Variants in BRINP2 observed in about 807,000 individuals in gnomAD.
BRINP2 encodes the protein BMP/retinoic acid inducible neural specific 2.
A neutral mutation model predicts 69.2 loss-of-function variants in BRINP2; 21 were observed. The ratio of observed to expected loss-of-function variants is 0.30; its 90% CI spans 0.22 to 0.44. BRINP2 has a LOEUF of 0.44. Ranked by LOEUF, BRINP2 falls within the 20% of genes least tolerant of loss-of-function variation. The pLI is 1.00. For synonymous variants in BRINP2, 380 were observed against 394.1 expected, an observed-to-expected ratio of 0.96 and a Z score of 0.42; for missense variants, 877 against 986.0, an observed-to-expected ratio of 0.89 and a Z score of 1.48.
chr1:177,205,675 A>G (rs1649052125), intron 1 of BRINP2, among the ~76,000 whole-genome samples: 1 of 152,236 alleles, frequency 6.6e-6, no homozygotes, highest in African/African-American at 2.4e-5. Flanking sequence ...AACAGGCAGA[A>G]TGCCCATCCA....
Position 177,281,305 on chromosome 1 carries a change from A to G in BRINP2, c.2129A>G (p.Gln710Arg). 1 of 1,613,852 alleles carries G rather than the reference A, an allele frequency of 6.2e-7. No individual in the cohort carries two copies. The highest frequency in any genetic ancestry group is 8.5e-7 in the Non-Finnish European group (1 of 1,179,852). Residue 710 changes from glutamine to arginine, a missense_variant, in exon 8 of 8, where the codon CAA (glutamine) becomes CGA (arginine). Physicochemically the swap from Gln to Arg is conservative, Grantham distance 43. Coordinates refer to ENST00000361539, the MANE Select transcript of BRINP2 (RefSeq NM_021165.4). ...CTCCAGTTGGACTACCCATATACTC[A>G]AGGTTCCCAGGACTCTGCACTCTTG... is the stretch of plus-strand genomic sequence containing the variant. Reference protein sequence around the residue: ...LILQLDYPYTQGSQDSALLQL... With the variant: ...LILQLDYPYTRGSQDSALLQL...
At chr1:177,220,617 AT>A (rs1335327559) in intron 1 of BRINP2, among the ~76,000 whole-genome samples, 4 of 152,186 alleles carry the variant, frequency 2.6e-5, no homozygotes, top group African/African-American at 9.7e-5. Context: ...TCTTTAATCA[AT>A]TACCCAGTCT....
intron 1 of BRINP2, among the ~76,000 whole-genome samples, chr1:177,218,131 A>G (rs534188158): frequency 2.1e-4 from 32 of 152,280 alleles, no homozygotes; most frequent in Non-Finnish European, 3.7e-4. Context: ...TTTTGTCAGT[A>G]TTTGCTACAG....
At chr1:177,217,497 G>A (rs1030962483) in intron 1 of BRINP2, among the ~76,000 whole-genome samples, 5 of 151,500 alleles carry the variant, frequency 3.3e-5, no homozygotes, top group East Asian at 3.9e-4. Context: ...TCCTTTTATC[G>A]ATATCTTTGT....
intron 1 of BRINP2, among the ~76,000 whole-genome samples, chr1:177,202,767 C>T (rs10753145): frequency 0.11 from 17,075 of 152,094 alleles, 1,870 homozygotes; most frequent in African/African-American, 0.28. Flanking sequence ...CAAATCGAAA[C>T]CGCAGTGAGA....
In BRINP2 at chr1:177,196,635, GA is replaced by G. The variant is rs113378711; in HGVS notation, c.-77+24908del. On this transcript the variant is annotated intron_variant, in intron 1 of 7. Transcript: ENST00000361539. ...CTCCATCTCAAAAAAAAAAAAGAAA[GA>G]AAAAGAAATGCAAATTCTTAGTTCC... Among the ~76,000 whole-genome samples the G allele has an allele frequency of 6.7e-3, 1,016 of 151,760 alleles. 10 individuals carry two copies. Among genetic ancestry groups the G allele is most frequent in the African/African-American group, 0.023 (972 of 41,400 alleles).
intron 2 of BRINP2, among the ~76,000 whole-genome samples, chr1:177,236,078 C>A (rs1650013355): frequency 1.3e-5 from 2 of 152,164 alleles, no homozygotes; most frequent in South Asian, 4.1e-4. Flanking sequence ...GTTACAGGCA[C>A]TATTTCTCAG....
intron 2 of BRINP2, among the ~76,000 whole-genome samples, chr1:177,251,149 C>T (rs1650569287): frequency 6.6e-6 from 1 of 152,118 alleles, no homozygotes; most frequent in Admixed American, 6.6e-5. Context: ...GGACTTAGGC[C>T]TTTATCTGTG....
intron 1 of BRINP2, among the ~76,000 whole-genome samples, chr1:177,207,424 A>G (rs753120721): frequency 1.3e-5 from 2 of 152,116 alleles, no homozygotes; most frequent in African/African-American, 4.8e-5. Context: ...TTGTCATAGG[A>G]TGCAGCCATG....
In BRINP2 at chr1:177,282,321, AT is replaced by A. The variant is rs1444654320; in HGVS notation, c.*794del. ...AGGAAATGTTCTTTTTTAAAAAAAAATAACAAAAACAAAACAAAACTATTTA... is the reference window on the plus strand; with the variant it reads ...AGGAAATGTTCTTTTTTAAAAAAAAAAACAAAAACAAAACAAAACTATTTA... On this transcript the variant is annotated 3_prime_UTR_variant, in exon 8 of 8. Coordinates refer to ENST00000361539, the MANE Select transcript of BRINP2 (RefSeq NM_021165.4). The A allele has an allele frequency of 6.6e-6, 1 of 152,212 alleles. No individual in the cohort carries two copies. The highest frequency in any genetic ancestry group is 1.9e-4 in the East Asian group (1 of 5,190). The allele number at this position is 152,212 out of a possible 1,614,324, so 9.4% of individuals were successfully genotyped here. A position where few individuals can be genotyped will look rare whatever the true frequency, so the allele number is the denominator to read the frequency against.
At chr1:177,209,420 T>C (rs1272038744) in intron 1 of BRINP2, among the ~76,000 whole-genome samples, 1 of 152,108 alleles carries the variant, frequency 6.6e-6, no homozygotes, top group Non-Finnish European at 1.5e-5. Flanking sequence ...CTCTTCCTGC[T>C]GAATCACCAG....
At chr1:177,232,221 C>T (rs542576251) in intron 2 of BRINP2, among the ~76,000 whole-genome samples, 1 of 152,218 alleles carries the variant, frequency 6.6e-6, no homozygotes, top group South Asian at 2.1e-4. Flanking sequence ...CTCTCAGCTT[C>T]CTTATCCCCT....
chr1:177,211,395 A>G (rs1453839259), intron 1 of BRINP2, among the ~76,000 whole-genome samples: 1 of 152,184 alleles, frequency 6.6e-6, no homozygotes, highest in Non-Finnish European at 1.5e-5. Context: ...TGACCCAGTA[A>G]CAGCCTGTAT....
chr1:177,172,367 G>A (rs1165870200), intron 1 of BRINP2, among the ~76,000 whole-genome samples: 1 of 152,198 alleles, frequency 6.6e-6, no homozygotes, highest in Non-Finnish European at 1.5e-5. Flanking sequence ...CTGAAAGGTG[G>A]GATGTGCTGG....
intron 2 of BRINP2, among the ~76,000 whole-genome samples, chr1:177,252,416 T>C (rs1650611360): frequency 6.6e-6 from 1 of 152,160 alleles, no homozygotes; most frequent in Admixed American, 6.5e-5. Flanking sequence ...TATTTATTCA[T>C]GTATTTATAA....
At chr1:177,211,266 AT>A (rs1158371884) in intron 1 of BRINP2, among the ~76,000 whole-genome samples, 2 of 152,026 alleles carry the variant, frequency 1.3e-5, no homozygotes, top group South Asian at 2.1e-4. Context: ...ATATAACTTT[AT>A]TTTTTTCATT....
At chr1:177,190,631 G>C (rs919149250) in intron 1 of BRINP2, among the ~76,000 whole-genome samples, 1 of 152,160 alleles carries the variant, frequency 6.6e-6, no homozygotes, top group Non-Finnish European at 1.5e-5. Context: ...ACTGGACCCT[G>C]CTGATAGTTC....
intron 4 of BRINP2, among the ~76,000 whole-genome samples, chr1:177,262,832 A>C (rs1445222176): frequency 6.6e-6 from 1 of 152,100 alleles, no homozygotes; most frequent in Non-Finnish European, 1.5e-5. Context: ...AAGAGCTAAG[A>C]GTGTTGGTTG....
intron 1 of BRINP2, among the ~76,000 whole-genome samples, chr1:177,221,544 C>T (rs1279610294): frequency 2.6e-5 from 4 of 152,152 alleles, no homozygotes; most frequent in African/African-American, 9.7e-5. Context: ...ATCACTGGAT[C>T]CCATCAGAAT....
Sources: gnomAD v4.1 joint callset for allele counts (sites outside exome capture counted in the v4.1 genomes callset) on GRCh38, gnomAD v4.1.1 for gene constraint, MANE v1.5 for transcripts, NCBI Gene and HGNC (gene_info 2026-07-23, HGNC 2026-07-21) for gene names.